IQGAP2: variants seen among roughly 807,000 people sequenced by gnomAD.
IQGAP2 encodes the protein ras GTPase-activating-like protein IQGAP2.
Under a neutral mutation model 201.3 loss-of-function variants are expected in IQGAP2, and 173 were observed. That is an observed-to-expected ratio of 0.86 (90% CI 0.76 to 0.98). IQGAP2 has a LOEUF of 0.98. Ranked by LOEUF, IQGAP2 falls within the 50% of genes least tolerant of loss-of-function variation. The pLI is 0.00. For synonymous variants in IQGAP2, 675 were observed against 673.9 expected (o/e 1.00, Z -0.03); for missense variants, 1,687 against 1,864.8 (o/e 0.90, Z 1.76).
chr5:76,686,726 G>T (rs1345390637), intron 30 of IQGAP2, among the ~76,000 whole-genome samples: 2 of 152,056 alleles, frequency 1.3e-5, no homozygotes, highest in Non-Finnish European at 2.9e-5. Context: ...AGCCAGGATG[G>T]TCTCCATCTC....
At chr5:76,571,439 A>G (rs562831357) in intron 4 of IQGAP2, among the ~76,000 whole-genome samples, 108 of 152,264 alleles carry the variant, frequency 7.1e-4, no homozygotes, top group Non-Finnish European at 1.3e-3. Context: ...CCACCACGGC[A>G]TCCCAAAAGT....
intron 13 of IQGAP2, chr5:76,618,435 G>A: frequency 6.2e-7 from 1 of 1,614,110 alleles, no homozygotes; most frequent in Admixed American, 1.7e-5. Context: ...AGTACTTAAG[G>A]AGCTGGTCAG....
intron 2 of IQGAP2, among the ~76,000 whole-genome samples, chr5:76,547,638 C>T (rs111792766): frequency 2.0e-5 from 3 of 152,316 alleles, no homozygotes; most frequent in East Asian, 1.9e-4. Flanking sequence ...AAAATGTATG[C>T]GTAAGCCTCA....
chr5:76,655,051 G>A (rs1375237984), intron 20 of IQGAP2, 48 bp downstream of exon 20: 2 of 1,379,896 alleles, frequency 1.4e-6, no homozygotes, highest in East Asian at 4.6e-5. Context: ...TATAAACCAG[G>A]CAAGGACATA....
chr5:76,499,982 C>G (rs568027081), intron 2 of IQGAP2, among the ~76,000 whole-genome samples: 32 of 152,158 alleles, frequency 2.1e-4, no homozygotes, highest in Middle Eastern at 3.4e-3. Flanking sequence ...GTGGCATGCA[C>G]TTGTAGTCCC....
chr5:76,586,240 A>G (rs1197394683), intron 5 of IQGAP2, among the ~76,000 whole-genome samples: 2 of 152,152 alleles, frequency 1.3e-5, no homozygotes, highest in Non-Finnish European at 2.9e-5. Flanking sequence ...CATAATGGCT[A>G]TTTCACTTTG....
At position 76,562,457 on chromosome 5, in the gene IQGAP2, C is replaced by A; in HGVS notation, c.208C>A (p.Arg70=). 1 of 1,613,620 alleles carries A rather than the reference C, an allele frequency of 6.2e-7. No homozygotes were observed. Among genetic ancestry groups the A allele is most frequent in the Admixed American group, 1.7e-5 (1 of 60,006 alleles). The change falls in exon 3 of 36, where the codon CGG becomes AGG. Residue 70 remains arginine, a synonymous_variant. Coordinates refer to ENST00000274364, the MANE Select transcript of IQGAP2 (RefSeq NM_006633.5). ...PPTTELEEGL[R]NGVYLAKLAK... is the part of the protein sequence containing the mutation. ...AACCACTGAATTGGAAGAAGGGCTCCGGAATGGAGTTTACCTTGCAAAGTT... is the reference window on the plus strand; with the variant it reads ...AACCACTGAATTGGAAGAAGGGCTCAGGAATGGAGTTTACCTTGCAAAGTT...
intron 2 of IQGAP2, among the ~76,000 whole-genome samples, chr5:76,558,687 G>T (rs10055118): frequency 0.29 from 44,670 of 152,100 alleles, 6,690 homozygotes; most frequent in South Asian, 0.49. Flanking sequence ...TGTTCTTCCA[G>T]TTTCACAGCC....
chr5:76,425,986 G>A (rs1261038294), intron 1 of IQGAP2, among the ~76,000 whole-genome samples: 1 of 152,176 alleles, frequency 6.6e-6, no homozygotes, highest in Non-Finnish European at 1.5e-5. Flanking sequence ...TTTTCCCATG[G>A]TCTGTGCCAG....
intron 15 of IQGAP2, among the ~76,000 whole-genome samples, chr5:76,636,648 G>A (rs1751151767): frequency 6.6e-6 from 1 of 152,224 alleles, no homozygotes; most frequent in Non-Finnish European, 1.5e-5. Context: ...AGAAATTGCA[G>A]GTAAACTTTG....
At chr5:76,408,701 T>C (rs1561349317) in intron 1 of IQGAP2, among the ~76,000 whole-genome samples, 2 of 152,072 alleles carry the variant, frequency 1.3e-5, no homozygotes, top group Non-Finnish European at 2.9e-5. Context: ...TAGTGTGCAA[T>C]GATTACAACT....
chr5:76,578,604 G>T (rs369632521), intron 5 of IQGAP2, among the ~76,000 whole-genome samples: 1 of 152,096 alleles, frequency 6.6e-6, no homozygotes, highest in African/African-American at 2.4e-5. Flanking sequence ...CAGCCACCAC[G>T]CCCGGCCACA....
intron 30 of IQGAP2, among the ~76,000 whole-genome samples, chr5:76,692,845 A>G (rs533630805): frequency 6.6e-6 from 1 of 152,234 alleles, no homozygotes; most frequent in East Asian, 1.9e-4. Flanking sequence ...GTTCGCTCCC[A>G]CTGGTCTTCA....
intron 30 of IQGAP2, among the ~76,000 whole-genome samples, chr5:76,690,125 G>T (rs577242354): frequency 6.6e-6 from 1 of 152,124 alleles, no homozygotes; most frequent in Non-Finnish European, 1.5e-5. Flanking sequence ...GAGCCCTGGC[G>T]CCAGTACTCT....
At chr5:76,706,914 C>T (rs1747953754) in intron 35 of IQGAP2, among the ~76,000 whole-genome samples, 1 of 152,204 alleles carries the variant, frequency 6.6e-6, no homozygotes, top group Non-Finnish European at 1.5e-5. Flanking sequence ...TTTATTTTAA[C>T]TAGCCTATGT....
chr5:76,607,950 T>G (rs1747942144), intron 12 of IQGAP2: 2 of 152,268 alleles, frequency 1.3e-5, no homozygotes, highest in Non-Finnish European at 2.9e-5. Context: ...TGGTTATTTC[T>G]GTATGTGCTG....
At chr5:76,667,877 C>CTTTTTTTTTTTT (rs540744402) in intron 22 of IQGAP2, among the ~76,000 whole-genome samples, 30 of 123,416 alleles carry the variant, frequency 2.4e-4, no homozygotes, top group African/African-American at 8.8e-4. Context: ...AGTCCACTTT[C>CTTTTTTTTTTTT]TTTTTTTTTT....
chr5:76,583,862 A>G (rs1396279978), intron 5 of IQGAP2, among the ~76,000 whole-genome samples: 4 of 147,596 alleles, frequency 2.7e-5, no homozygotes, highest in African/African-American at 1.0e-4. Context: ...TAGGGATAGC[A>G]TGGTAGAGAA....
intron 9 of IQGAP2, among the ~76,000 whole-genome samples, chr5:76,596,373 T>C (rs1747035090): frequency 6.6e-6 from 1 of 152,210 alleles, no homozygotes; most frequent in African/African-American, 2.4e-5. Flanking sequence ...TCATCATTCA[T>C]TCTCCCATTT....
Sources: allele counts gnomAD v4.1 joint callset (sites outside exome capture counted in the v4.1 genomes callset), GRCh38; gene constraint gnomAD v4.1.1; transcripts MANE v1.5; gene names NCBI Gene and HGNC (gene_info 2026-07-23, HGNC 2026-07-21).